The following FAM184B variants were observed in gnomAD, a reference collection of about 807,000 sequenced individuals.
The protein encoded by FAM184B is protein FAM184B.
In FAM184B, 111 loss-of-function variants were observed where a neutral mutation model predicts 135.9. The observed-to-expected ratio is 0.82, with a 90% CI of 0.70 to 0.96. The LOEUF is 0.96. FAM184B is among the 40% of genes least tolerant of loss of function. The probability of loss-of-function intolerance (pLI) is 0.00; values close to 1 mark genes in which losing one functional copy is unlikely to be tolerated. For synonymous variants in FAM184B, 552 were observed against 524.8 expected (o/e 1.05, Z -0.71); for missense variants, 1,375 against 1,323.9 (o/e 1.04, Z -0.60).
intron 1 of FAM184B, among the ~76,000 whole-genome samples, chr4:17,718,897 C>A (rs1717455891): frequency 6.6e-6 from 1 of 152,310 alleles, no homozygotes; most frequent in South Asian, 2.1e-4. Flanking sequence ...AGAATTATTG[C>A]AGGAACATCT....
chr4:17,727,825 A>G (rs76880456), intron 1 of FAM184B, among the ~76,000 whole-genome samples: 2 of 152,320 alleles, frequency 1.3e-5, no homozygotes, highest in East Asian at 3.9e-4. Context: ...ATATCACCTA[A>G]TAAATGAAAT....
rs1290803451 is a variant in FAM184B at position 17,632,574 on chromosome 4, G to T, written c.3141C>A (p.Gly1047=). 1.3e-6 allele frequency: 2 copies of T among 1,551,288 alleles called. No homozygotes were observed. Among genetic ancestry groups the T allele is most frequent in the East Asian group, 4.9e-5 (2 of 40,928 alleles). Residue 1047 remains glycine (G), a synonymous_variant, in exon 18 of 18, where the codon GGC becomes GGA. Coordinates refer to ENST00000265018, the MANE Select transcript of FAM184B (RefSeq NM_015688.2). The part of the protein sequence containing the change: ...AQAKEVQQKQ[G]SPHQEWFTKY... The stretch of plus-strand genomic sequence containing the variant: ...TGGTGAACCATTCCTGGTGCGGAGA[G>T]CCCTGTTTCTGCTGGACTTCTTTGG...
intron 12 of FAM184B, among the ~76,000 whole-genome samples, chr4:17,645,184 C>G (rs558694058): frequency 3.6e-4 from 55 of 152,264 alleles, no homozygotes; most frequent in African/African-American, 1.3e-3. Context: ...TCAATGCCAT[C>G]CCCATCGAGC....
At chr4:17,675,716 T>C (rs2108949927) in intron 7 of FAM184B, among the ~76,000 whole-genome samples, 1 of 152,354 alleles carries the variant, frequency 6.6e-6, no homozygotes, top group African/African-American at 2.4e-5. Context: ...GATAACTTGC[T>C]GCAGCTTCTC....
intron 5 of FAM184B, among the ~76,000 whole-genome samples, chr4:17,698,617 A>G (rs1716918373): frequency 6.6e-6 from 1 of 152,194 alleles, no homozygotes; most frequent in Admixed American, 6.5e-5. Flanking sequence ...ACCAACACTG[A>G]TACTAATCAA....
chr4:17,653,925 G>GGA (rs140514998), intron 10 of FAM184B, among the ~76,000 whole-genome samples: 3 of 131,268 alleles, frequency 2.3e-5, no homozygotes, highest in African/African-American at 8.3e-5. Context: ...AGAGAGGGAG[G>GGA]GGGAGGGGGA....
At chr4:17,724,805 C>T (rs1717606082) in intron 1 of FAM184B, among the ~76,000 whole-genome samples, 1 of 152,196 alleles carries the variant, frequency 6.6e-6, no homozygotes, top group South Asian at 2.1e-4. Flanking sequence ...GGAGGGCAAG[C>T]TTGCTCTCTG....
At chr4:17,667,167 C>A (rs1577253588) in intron 7 of FAM184B, among the ~76,000 whole-genome samples, 1 of 151,912 alleles carries the variant, frequency 6.6e-6, no homozygotes, top group Non-Finnish European at 1.5e-5. Flanking sequence ...GCTATGTTGC[C>A]TAGGCTGGTC....
At chr4:17,706,695 G>A (rs13114368) in intron 3 of FAM184B, among the ~76,000 whole-genome samples, 109,230 of 152,118 alleles carry the variant, frequency 0.72, 40,132 homozygotes, top group Non-Finnish European at 0.8. Context: ...TGGGCTGGGC[G>A]TGGTGGCTAA....
intron 7 of FAM184B, among the ~76,000 whole-genome samples, chr4:17,672,148 A>G (rs1054661984): frequency 6.6e-6 from 1 of 152,148 alleles, no homozygotes; most frequent in African/African-American, 2.4e-5. Context: ...TGAAAGCAGC[A>G]AGAGAAAAGC....
At chr4:17,641,741 G>A (rs972751534) in intron 13 of FAM184B, among the ~76,000 whole-genome samples, 5 of 144,478 alleles carry the variant, frequency 3.5e-5, no homozygotes, top group East Asian at 4.2e-4. Flanking sequence ...CTCGTGATGC[G>A]CCCGCCTCTG....
chr4:17,771,875 G>A (rs1217215264), intron 1 of FAM184B, among the ~76,000 whole-genome samples: 1 of 152,196 alleles, frequency 6.6e-6, no homozygotes, highest in Non-Finnish European at 1.5e-5. Context: ...CCCCGTGTTG[G>A]GTTATAAGTG....
chr4:17,700,562 CCTCT>C (rs1387299192), intron 5 of FAM184B, among the ~76,000 whole-genome samples: 1 of 152,170 alleles, frequency 6.6e-6, no homozygotes. Flanking sequence ...TTTCAATCTT[CCTCT>C]CTCAGTGATC....
chr4:17,691,685 CAAAAAAAAAAAA>C (rs56857959), intron 6 of FAM184B, among the ~76,000 whole-genome samples: 1 of 92,496 alleles, frequency 1.1e-5, no homozygotes, highest in Non-Finnish European at 2.1e-5. Flanking sequence ...GATTCCATCT[CAAAAAAAAAAAA>C]AAAAAGAAAG....
At chr4:17,654,355 TTATA>T (rs1030616827) in intron 10 of FAM184B, among the ~76,000 whole-genome samples, 1 of 151,858 alleles carries the variant, frequency 6.6e-6, no homozygotes, top group Non-Finnish European at 1.5e-5. Context: ...AAACTCTTTT[TTATA>T]TATATATAGA....
chr4:17,663,382 A>T (rs1715962787), intron 8 of FAM184B, among the ~76,000 whole-genome samples: 1 of 152,296 alleles, frequency 6.6e-6, no homozygotes, highest in South Asian at 2.1e-4. Context: ...GGCAAGAGAA[A>T]GAAATAAAGG....
intron 7 of FAM184B, among the ~76,000 whole-genome samples, chr4:17,685,473 C>T (rs1052074152): frequency 2.1e-5 from 3 of 146,120 alleles, no homozygotes; most frequent in Non-Finnish European, 4.5e-5. Context: ...CGCTTGAACC[C>T]GGGAGGTGGA....
chr4:17,675,591 T>C (rs1230752271), intron 7 of FAM184B, among the ~76,000 whole-genome samples: 1 of 152,232 alleles, frequency 6.6e-6, no homozygotes, highest in African/African-American at 2.4e-5. Context: ...TGACTTTTAC[T>C]CTCTAGCTGT....
At chr4:17,722,154 G>T (rs1225983967) in intron 1 of FAM184B, among the ~76,000 whole-genome samples, 1 of 152,134 alleles carries the variant, frequency 6.6e-6, no homozygotes, top group Non-Finnish European at 1.5e-5. Context: ...CTGAGGGTAT[G>T]GCTATCCCAT....
Sources: gnomAD v4.1 joint callset for allele counts (sites outside exome capture counted in the v4.1 genomes callset) on GRCh38, gnomAD v4.1.1 for gene constraint, MANE v1.5 for transcripts, NCBI Gene and HGNC (gene_info 2026-07-23, HGNC 2026-07-21) for gene names.